Variants in DNAH10 observed in about 807,000 individuals in gnomAD.
DNAH10 encodes the protein dynein axonemal heavy chain 10.
Under a neutral mutation model 506.6 loss-of-function variants are expected in DNAH10, and 348 were observed. The ratio of observed to expected loss-of-function variants is 0.69; its 90% CI spans 0.63 to 0.75. The LOEUF (loss-of-function observed/expected upper bound fraction) is 0.75, where lower values mean the gene tolerates loss of function less well. Among genes scored for constraint, DNAH10 ranks in the 30% least tolerant of loss-of-function variants. The pLI is 0.00. For missense variants in DNAH10, 5,179 were observed against 5,787.1 expected (o/e 0.89, Z 3.41); for synonymous variants, 2,059 against 2,198.6 (o/e 0.94, Z 1.78).
In DNAH10 at chr12:123,796,822, G is replaced by A. The variant is rs146240768; in HGVS notation, c.2153G>A (p.Arg718Gln). The change falls in exon 13 of 79, where the codon CGA becomes CAA. Residue 718 changes from arginine to glutamine, a missense_variant. Transcript: ENST00000673944. ...QEVQEILDSD[R>Q]GQEVKQKYLE... is the part of the protein sequence containing the mutation. ...GTACAAGAGATACTGGACAGTGATCGAGGACAGGAGGTATGTTGCTCTTGC... is the reference window on the plus strand; with the variant it reads ...GTACAAGAGATACTGGACAGTGATCAAGGACAGGAGGTATGTTGCTCTTGC... 106 of 1,604,990 alleles carry A rather than the reference G, an allele frequency of 6.6e-5. No individual in the cohort carries two copies. In the East Asian group the frequency reaches 2.0e-3, roughly 31 times the overall value.
At chr12:123,891,220 G>A (rs111277240) in intron 52 of DNAH10, among the ~76,000 whole-genome samples, 86 of 152,260 alleles carry the variant, frequency 5.6e-4, no homozygotes, top group African/African-American at 2.0e-3. Flanking sequence ...CTTGTGTGCT[G>A]TCTGTCTCTG....
chr12:123,782,691 T>G (rs1414420272), intron 6 of DNAH10, among the ~76,000 whole-genome samples: 1 of 152,066 alleles, frequency 6.6e-6, no homozygotes, highest in Non-Finnish European at 1.5e-5. Flanking sequence ...AGATTACAGG[T>G]GTGAGCCATC....
At chr12:123,910,716 C>G (rs376685505) in intron 59 of DNAH10, 44 bp downstream of exon 59, 1 of 1,599,372 alleles carries the variant, frequency 6.3e-7, no homozygotes, top group Non-Finnish European at 8.5e-7. Context: ...CCAAGGGACC[C>G]ATTCAGAGTC....
intron 65 of DNAH10, among the ~76,000 whole-genome samples, chr12:123,920,161 T>C (rs934159760): frequency 3.9e-5 from 6 of 152,248 alleles, no homozygotes; most frequent in African/African-American, 1.2e-4. Context: ...AGCCCTCACC[T>C]GGCAATGATT....
At position 123,819,252 on chromosome 12, in the gene DNAH10, T is replaced by TA; in HGVS notation, c.4000+4dup. The TA allele has an allele frequency of 6.2e-7, 1 of 1,609,552 alleles. No individual in the cohort carries two copies. The highest frequency in any genetic ancestry group is 8.5e-7 in the Non-Finnish European group (1 of 1,177,394). ...CTGTTGGTGATGATCTTGATAAAGGTAAGAATGTTCCTGTTGGTCTTACTG... is the reference window on the plus strand; with the variant it reads ...CTGTTGGTGATGATCTTGATAAAGGTAAAGAATGTTCCTGTTGGTCTTACTG... On this transcript the variant is annotated splice_region_variant and intron_variant, in intron 23 of 78. Coordinates refer to ENST00000673944, the MANE Select transcript of DNAH10 (RefSeq NM_001372106.1).
Position 123,846,443 on chromosome 12 carries a change from G to A in DNAH10, c.5814+289G>A, listed in dbSNP as rs1950954170. Reference sequence around the variant, plus strand: ...GGAATGTCAAAGGTGGTGACTGTTAGGGCAAGTGTGATGTGGTTTTGCACG... The same window carrying A: ...GGAATGTCAAAGGTGGTGACTGTTAAGGCAAGTGTGATGTGGTTTTGCACG... On this transcript the variant is annotated intron_variant, in intron 32 of 78. Transcript: ENST00000673944. The surrounding 1 kb of genome is among the most constrained non-coding windows in gnomAD (Gnocchi z 4.5). 6.6e-6 allele frequency among the ~76,000 whole-genome samples: 1 copy of A among 152,170 alleles called. No homozygotes were observed. Among genetic ancestry groups the A allele is most frequent in the African/African-American group, 2.4e-5 (1 of 41,432 alleles).
rs563292028 is a variant in DNAH10 at position 123,900,030 on chromosome 12, A to G, written c.9640+1216A>G. ...CATCTTGCCTACCTAATTTCTCATG[A>G]CACCCTGTCGCCTGCTCACAGCATC... On this transcript the variant is annotated intron_variant, in intron 56 of 78. Transcript: ENST00000673944. 1.2e-4 allele frequency among the ~76,000 whole-genome samples: 18 copies of G among 152,216 alleles called. 1 individual carries two copies. Among genetic ancestry groups the G allele is most frequent in the Non-Finnish European group, 2.1e-4 (14 of 68,018 alleles).
chr12:123,836,767 C>T (rs933146495), intron 28 of DNAH10, among the ~76,000 whole-genome samples: 1 of 152,094 alleles, frequency 6.6e-6, no homozygotes, highest in African/African-American at 2.4e-5. Context: ...CGCCTGTAAT[C>T]CCAGGACTTT....
rs1263202508 is a variant in DNAH10 at position 123,813,360 on chromosome 12, A to G, written c.3341A>G (p.Tyr1114Cys). 7.4e-6 allele frequency: 12 copies of G among 1,614,262 alleles called. No individual in the cohort carries two copies. The highest frequency in any genetic ancestry group is 1.0e-5 in the Non-Finnish European group (12 of 1,180,044). Residue 1114 changes from tyrosine (Y) to cysteine (C), a missense_variant, in exon 20 of 79, where the codon TAT (tyrosine) becomes TGT (cysteine). Tyr to Cys is a radical substitution (Grantham distance 194). Coordinates refer to ENST00000673944, the MANE Select transcript of DNAH10 (RefSeq NM_001372106.1). ...AAGTATCTACAAAAATGGAAGCGGTATCGACCTCTCTGGAAATTGGACAAA... is the reference window on the plus strand; with the variant it reads ...AAGTATCTACAAAAATGGAAGCGGTGTCGACCTCTCTGGAAATTGGACAAA... ...LMKYLQKWKR[Y>C]RPLWKLDKAI...
In DNAH10 at chr12:123,763,064, C is replaced by T. The variant is rs1273180939; in HGVS notation, c.214+514C>T. On this transcript the variant is annotated intron_variant, in intron 1 of 78. Coordinates refer to ENST00000673944, the MANE Select transcript of DNAH10 (RefSeq NM_001372106.1). ...CCTCTCACGGAGGGTCCGAAGAGCA[C>T]CCCTTTCTACTTCTGGAGGCTCCTT... 2.0e-5 allele frequency among the ~76,000 whole-genome samples: 3 copies of T among 152,256 alleles called. 1 individual carries two copies. In the East Asian group the frequency reaches 5.8e-4, roughly 29 times the overall value.
At chr12:123,851,162 C>T (rs1951147543) in intron 35 of DNAH10, 86 bp downstream of exon 35, 1 of 1,399,702 alleles carries the variant, frequency 7.1e-7, no homozygotes, top group Non-Finnish European at 9.5e-7. Context: ...CGCGTTAGCT[C>T]CGTGTGGCTC....
chr12:123,889,398 G>T lies in DNAH10; in HGVS notation c.8995+2085G>T, dbSNP rs115748951. On this transcript the variant is annotated intron_variant, in intron 52 of 78. Transcript: ENST00000673944. ...GGGTTGTCGGCTCCTTGAGAGGGGGGATCGGGTCATCCACCTGGATTTATT... is the reference window on the plus strand; with the variant it reads ...GGGTTGTCGGCTCCTTGAGAGGGGGTATCGGGTCATCCACCTGGATTTATT... Among the ~76,000 whole-genome samples, 1,263 of 152,294 alleles carry T rather than the reference G, an allele frequency of 8.3e-3. 17 individuals carry two copies. The highest frequency in any genetic ancestry group is 0.029 in the African/African-American group (1,193 of 41,546).
chr12:123,862,494 A>G (rs1951651211), intron 39 of DNAH10, among the ~76,000 whole-genome samples: 1 of 152,006 alleles, frequency 6.6e-6, no homozygotes, highest in African/African-American at 2.4e-5. Flanking sequence ...GGCTCAAGCA[A>G]TCCTCCCACC....
chr12:123,784,829 T>C (rs1390689954), intron 8 of DNAH10, among the ~76,000 whole-genome samples: 1 of 152,216 alleles, frequency 6.6e-6, no homozygotes, highest in African/African-American at 2.4e-5. Context: ...AGGGGAGTCA[T>C]GCAGGACTGA....
intron 25 of DNAH10, 105 bp from the exon 26 acceptor site, chr12:123,830,441 T>G (rs1335085990): frequency 7.9e-7 from 1 of 1,273,142 alleles, no homozygotes; most frequent in Non-Finnish European, 1.1e-6. Flanking sequence ...AATTTCATTA[T>G]AAGAAGTTTA....
At chr12:123,812,958 C>T (rs928930576) in intron 19 of DNAH10, among the ~76,000 whole-genome samples, 1 of 152,102 alleles carries the variant, frequency 6.6e-6, no homozygotes, top group Non-Finnish European at 1.5e-5. Flanking sequence ...CAAGTTAAGT[C>T]ACAAGGCTTG....
rs751059634 is a variant in DNAH10, at chr12:123,898,722, A to G, written c.9548A>G (p.Asn3183Ser). The G allele has an allele frequency of 6.2e-6, 10 of 1,608,150 alleles. No individual in the cohort carries two copies. The highest frequency in any genetic ancestry group is 5.1e-5 in the Admixed American group (3 of 59,246). ...KEATIQLDEL[N>S]QKLAEQKIVL... ...GCCACCATCCAGCTGGACGAGCTGA[A>G]CCAGAAGCTGGCCGAGCAGAAGATC... Residue 3183 changes from asparagine to serine, a missense_variant, in exon 56 of 79, where the codon AAC becomes AGC. Physicochemically the swap from Asn to Ser is conservative, Grantham distance 46. Coordinates refer to ENST00000673944, the MANE Select transcript of DNAH10 (RefSeq NM_001372106.1).
chr12:123,810,570 G>C (rs1386568054), intron 19 of DNAH10, among the ~76,000 whole-genome samples: 3 of 152,094 alleles, frequency 2.0e-5, no homozygotes, highest in Non-Finnish European at 4.4e-5. Flanking sequence ...GCGGGCGCCT[G>C]TGGTCCCAGC....
At chr12:123,782,407 CTTTCTT>C (rs1429406758) in intron 6 of DNAH10, among the ~76,000 whole-genome samples, 1 of 103,012 alleles carries the variant, frequency 9.7e-6, no homozygotes, top group African/African-American at 3.9e-5. Flanking sequence ...TTCTTTCTTT[CTTTCTT>C]TTTTTTTTTT....
Sources: allele counts gnomAD v4.1 joint callset (sites outside exome capture counted in the v4.1 genomes callset), GRCh38; gene constraint gnomAD v4.1.1; non-coding constraint Gnocchi (gnomAD v3.1); transcripts MANE v1.5; gene names NCBI Gene and HGNC (gene_info 2026-07-23, HGNC 2026-07-21).